Variants in ANK3 observed in about 807,000 individuals in gnomAD.
The protein encoded by ANK3 is ankyrin 3.
Under a neutral mutation model 370.9 loss-of-function variants are expected in ANK3, and 57 were observed. The observed-to-expected ratio is 0.15, with a 90% CI of 0.12 to 0.19. ANK3 has a LOEUF of 0.19. Among genes scored for constraint, ANK3 ranks in the 10% least tolerant of loss-of-function variants. The probability of loss-of-function intolerance (pLI) is 1.00; values close to 1 mark genes in which losing one functional copy is unlikely to be tolerated. For missense variants in ANK3, 4,439 were observed against 5,302.1 expected, an observed-to-expected ratio of 0.84 and a Z score of 5.06; for synonymous variants, 1,929 against 1,946.3, an observed-to-expected ratio of 0.99 and a Z score of 0.23.
intron 32 of ANK3, 36 bp downstream of exon 32, chr10:60,084,566 C>T (rs746045706): frequency 2.4e-5 from 37 of 1,527,246 alleles, no homozygotes; most frequent in Middle Eastern, 3.4e-4. Flanking sequence ...ATCTGGAGTA[C>T]GTAATGAAAT....
chr10:60,080,249 ATAGT>A (rs2084870763), intron 36 of ANK3, among the ~76,000 whole-genome samples: 1 of 152,222 alleles, frequency 6.6e-6, no homozygotes, highest in Non-Finnish European at 1.5e-5. Flanking sequence ...ATCTCCTAGC[ATAGT>A]TAATCAAAGT....
At chr10:60,145,881 T>G in intron 23 of ANK3, 2 of 690,650 alleles carry the variant, frequency 2.9e-6, no homozygotes, top group East Asian at 5.4e-5. Context: ...TAGTAGGTGC[T>G]CAATAAATGT....
intron 1 of ANK3, among the ~76,000 whole-genome samples, chr10:60,342,486 C>G (rs1218536681): frequency 6.6e-6 from 1 of 152,168 alleles, no homozygotes; most frequent in African/African-American, 2.4e-5. Context: ...ATGCATATCA[C>G]CATCATATGA....
chr10:60,261,838 T>G (rs779395573), intron 7 of ANK3, 21 bp downstream of exon 7: 7 of 1,606,108 alleles, frequency 4.4e-6, no homozygotes, highest in Middle Eastern at 1.7e-4. Flanking sequence ...TTAAAGGTAT[T>G]ACACATTGCT....
At position 60,581,523 on chromosome 10, in the gene ANK3, C is replaced by A. The variant is rs2077752816; in HGVS notation, c.96+33663G>T. On this transcript the variant is annotated intron_variant, in intron 2 of 43. Transcript: ENST00000373827. ...CACTGCAAGCTTTGCCACCCGGGTT[C>A]AAGTGATTCTCCTGCCTCAGCCTCC... Among the ~76,000 whole-genome samples, 3 of 149,492 alleles carry A rather than the reference C, an allele frequency of 2.0e-5. No homozygotes were observed. The South Asian group carries it at 6.3e-4, about 31-fold the overall frequency.
chr10:60,464,930 T>C (rs571000491), intron 2 of ANK3, among the ~76,000 whole-genome samples: 31 of 152,266 alleles, frequency 2.0e-4, no homozygotes, highest in African/African-American at 7.5e-4. Flanking sequence ...GTTTCAGGAC[T>C]CTATTTTCTA....
chr10:60,528,253 C>T (rs1024959442), intron 2 of ANK3, among the ~76,000 whole-genome samples: 1 of 151,116 alleles, frequency 6.6e-6, no homozygotes, highest in Non-Finnish European at 1.5e-5. Context: ...TCTCCTGCCT[C>T]AGCCTCTCGA....
chr10:60,347,285 T>C (rs2055792025), intron 1 of ANK3, among the ~76,000 whole-genome samples: 1 of 151,972 alleles, frequency 6.6e-6, no homozygotes, highest in Non-Finnish European at 1.5e-5. Flanking sequence ...TGTAGATTTT[T>C]AAGGGAACAT....
chr10:60,309,922 C>CTTTTTTTTTT (rs71015785), intron 1 of ANK3, among the ~76,000 whole-genome samples: 12 of 134,270 alleles, frequency 8.9e-5, no homozygotes, highest in Non-Finnish European at 1.1e-4. Flanking sequence ...TTTCTTTTTT[C>CTTTTTTTTTT]TTTTTTTTTT....
At chr10:60,613,545 A>C (rs1434065612) in intron 2 of ANK3, among the ~76,000 whole-genome samples, 1 of 152,218 alleles carries the variant, frequency 6.6e-6, no homozygotes, top group African/African-American at 2.4e-5. Context: ...GCTAAGATAA[A>C]ATTGTGTGCC....
chr10:60,238,199 T>C (rs2097364352), intron 7 of ANK3, among the ~76,000 whole-genome samples: 1 of 152,206 alleles, frequency 6.6e-6, no homozygotes, highest in South Asian at 2.1e-4. Context: ...AAATGTATCA[T>C]GCCCTACTAT....
intron 20 of ANK3, 38 bp downstream of exon 20, chr10:60,172,862 C>G (rs1334651531): frequency 7.2e-7 from 1 of 1,396,670 alleles, no homozygotes; most frequent in East Asian, 2.3e-5. Context: ...GCCCATCTAT[C>G]TCCTCCCTCT....
In ANK3 at chr10:60,413,976, GAC is replaced by G. The variant is rs1198343377; in HGVS notation, c.97-134339_97-134338del. On this transcript the variant is annotated intron_variant, in intron 2 of 43. Transcript: ENST00000373827. ...GGTGCCACTGCACTGCAGCCTGAGT[GAC>G]AGAGTGAGACCCTATCTCAAAAACA... is the stretch of plus-strand genomic sequence containing the variant. 2.0e-5 allele frequency among the ~76,000 whole-genome samples: 3 copies of G among 152,270 alleles called. No homozygotes were observed. The East Asian group carries it at 5.8e-4, about 29-fold the overall frequency.
At chr10:60,662,467 C>T (rs890840078) in intron 1 of ANK3, among the ~76,000 whole-genome samples, 2 of 152,072 alleles carry the variant, frequency 1.3e-5, no homozygotes, top group Non-Finnish European at 2.9e-5. Flanking sequence ...AGAGCCAAAT[C>T]CTTAACAATC....
chr10:60,519,312 G>A (rs2076296463), intron 2 of ANK3, among the ~76,000 whole-genome samples: 1 of 152,054 alleles, frequency 6.6e-6, no homozygotes, highest in African/African-American at 2.4e-5. Context: ...ATAGTGTCCT[G>A]TATTTAAGAC....
chr10:60,141,862 C>G (rs915278139), intron 23 of ANK3, among the ~76,000 whole-genome samples: 6 of 151,916 alleles, frequency 3.9e-5, no homozygotes, highest in Non-Finnish European at 8.8e-5. Context: ...CTCTGATCAG[C>G]CTGGCTGTAA....
At chr10:60,529,234 T>C (rs1016803017) in intron 2 of ANK3, among the ~76,000 whole-genome samples, 2 of 152,110 alleles carry the variant, frequency 1.3e-5, no homozygotes, top group Non-Finnish European at 2.9e-5. Context: ...CATGTATATA[T>C]GCCAGGCTAG....
chr10:60,327,243 T>C (rs1342407644), intron 1 of ANK3, among the ~76,000 whole-genome samples: 1 of 152,170 alleles, frequency 6.6e-6, no homozygotes, highest in East Asian at 1.9e-4. Flanking sequence ...GCTACTGATA[T>C]TCAGGGTGCA....
At chr10:60,238,810 G>C (rs1186485149) in intron 7 of ANK3, among the ~76,000 whole-genome samples, 1 of 151,900 alleles carries the variant, frequency 6.6e-6, no homozygotes, top group Non-Finnish European at 1.5e-5. Context: ...CAGCACAGAA[G>C]AAAAAGTATG....
Sources: gnomAD v4.1 joint callset for allele counts (sites outside exome capture counted in the v4.1 genomes callset) on GRCh38, gnomAD v4.1.1 for gene constraint, MANE v1.5 for transcripts, NCBI Gene and HGNC (gene_info 2026-07-23, HGNC 2026-07-21) for gene names.